BABAM2: variants seen among roughly 807,000 people sequenced by gnomAD.
BABAM2 encodes BRISC and BRCA1-A complex member 2.
Under a neutral mutation model 54.7 loss-of-function variants are expected in BABAM2, and 31 were observed. That is an observed-to-expected ratio of 0.57 (90% CI 0.43 to 0.77). The LOEUF (loss-of-function observed/expected upper bound fraction) is 0.77. Among genes scored for constraint, BABAM2 ranks in the 30% least tolerant of loss-of-function variants. BABAM2 has a pLI of 0.00. For synonymous variants in BABAM2, 167 were observed against 162.9 expected (o/e 1.03, Z -0.19); for missense variants, 364 against 455.8 (o/e 0.80, Z 1.83).
chr2:28,314,086 A>T (rs1689305800), intron 11 of BABAM2, among the ~76,000 whole-genome samples: 1 of 152,220 alleles, frequency 6.6e-6, no homozygotes, highest in South Asian at 2.1e-4. Flanking sequence ...TAAGGGCAAG[A>T]TCACGTATTT....
intron 4 of BABAM2, among the ~76,000 whole-genome samples, chr2:28,010,203 TTGGTGTTTGAAAAGATCTAGGA>T (rs1313716457): frequency 6.6e-6 from 1 of 152,168 alleles, no homozygotes; most frequent in Non-Finnish European, 1.5e-5. Flanking sequence ...AAATACCTTA[TTGGTGTTTGAAAAGATCTAGGA>T]TGGGGAACAT....
chr2:28,239,232 C>T (rs1316076740), intron 8 of BABAM2, among the ~76,000 whole-genome samples: 2 of 152,134 alleles, frequency 1.3e-5, no homozygotes, highest in Admixed American at 6.6e-5. Flanking sequence ...GACATAAACC[C>T]CTATTATATA....
intron 7 of BABAM2, among the ~76,000 whole-genome samples, chr2:28,207,429 C>T (rs932815760): frequency 6.6e-6 from 1 of 151,868 alleles, no homozygotes; most frequent in Non-Finnish European, 1.5e-5. Context: ...GGAGTGATGG[C>T]GTGCACCTAT....
intron 6 of BABAM2, among the ~76,000 whole-genome samples, chr2:28,053,942 ATTATGTGTATAGAAACATCACTATGTT>A (rs1248743529): frequency 6.6e-6 from 1 of 152,262 alleles, no homozygotes; most frequent in Non-Finnish European, 1.5e-5. Flanking sequence ...ATCACTATAC[ATTATGTGTATAGAAACATCACTATGTT>A]TTTCATGAAT....
intron 3 of BABAM2, among the ~76,000 whole-genome samples, chr2:27,976,276 A>G (rs1256295444): frequency 1.3e-5 from 2 of 152,128 alleles, no homozygotes; most frequent in African/African-American, 2.4e-5. Flanking sequence ...AGCATCATTC[A>G]TAATCATCAC....
intron 6 of BABAM2, among the ~76,000 whole-genome samples, chr2:28,074,902 C>T (rs894872032): frequency 1.3e-5 from 2 of 152,090 alleles, no homozygotes; most frequent in African/African-American, 4.8e-5. Context: ...TAGTGTACAT[C>T]TCACTAAATT....
intron 6 of BABAM2, among the ~76,000 whole-genome samples, chr2:28,095,724 A>G (rs549262208): frequency 9.2e-5 from 14 of 152,222 alleles, no homozygotes; most frequent in African/African-American, 3.4e-4. Flanking sequence ...CATGTAAAAC[A>G]AGGTTTCATT....
At chr2:28,278,575 A>T (rs1686069119) in intron 10 of BABAM2, among the ~76,000 whole-genome samples, 1 of 152,160 alleles carries the variant, frequency 6.6e-6, no homozygotes, top group South Asian at 2.1e-4. Flanking sequence ...ATTGAGTTTG[A>T]GGTGTTTATG....
chr2:28,311,193 G>A (rs1050166583), intron 11 of BABAM2, among the ~76,000 whole-genome samples: 11 of 147,472 alleles, frequency 7.5e-5, no homozygotes, highest in African/African-American at 5.0e-5. Context: ...CCCGGGAGGC[G>A]GAGCTTGCAG....
intron 6 of BABAM2, among the ~76,000 whole-genome samples, chr2:28,079,462 TAG>T (rs1462675803): frequency 6.6e-6 from 1 of 152,212 alleles, no homozygotes; most frequent in African/African-American, 2.4e-5. Flanking sequence ...AGGCAGGAAT[TAG>T]AGGTAAAATA....
chr2:28,000,427 T>A (rs1306194565), intron 4 of BABAM2, among the ~76,000 whole-genome samples: 2 of 152,164 alleles, frequency 1.3e-5, no homozygotes, highest in Non-Finnish European at 2.9e-5. Flanking sequence ...ACTTCAGAGG[T>A]ACAAATCCAT....
chr2:27,961,722 C>CTTTTTTTTT (rs5830058), intron 3 of BABAM2, among the ~76,000 whole-genome samples: 1 of 99,090 alleles, frequency 1.0e-5, no homozygotes, highest in Non-Finnish European at 2.0e-5. Flanking sequence ...CCTTAATTAT[C>CTTTTTTTTT]TTTTTTTTTT....
chr2:28,313,130 C>T (rs1176675243), intron 11 of BABAM2, among the ~76,000 whole-genome samples: 1 of 152,234 alleles, frequency 6.6e-6, no homozygotes, highest in Admixed American at 6.5e-5. Context: ...GTGGCTCACC[C>T]AGGAGGCTGA....
rs1558668237 is a variant in BABAM2, at chr2:28,026,971, A to AT, written c.495+1551_495+1552insT. On this transcript the variant is annotated intron_variant, in intron 5 of 11. Transcript: ENST00000379624. ...ATTAATATATATAAATATATATATA[A>AT]ATATATAAATATATATAAAAATATA... Among the ~76,000 whole-genome samples, 38 of 86,854 alleles carry AT rather than the reference A, an allele frequency of 4.4e-4. 3 individuals carry two copies. Among genetic ancestry groups the AT allele is most frequent in the African/African-American group, 2.6e-3 (37 of 14,478 alleles). 57.0% of individuals were successfully genotyped at this position (86,854 alleles called of 152,430 possible).
chr2:27,977,256 T>C (rs928072373), intron 3 of BABAM2, among the ~76,000 whole-genome samples: 6 of 152,120 alleles, frequency 3.9e-5, no homozygotes, highest in African/African-American at 1.4e-4. Context: ...CCCAAGATTG[T>C]TTATTGTTTA....
rs142985182 is a variant in BABAM2 at position 27,984,985 on chromosome 2, G to A, written c.206-3008G>A. ...CTGAGTTACTTCACTTAGAATAATC[G>A]TCTCCAATTCCATCCAGGTTGCTGC... On this transcript the variant is annotated intron_variant, in intron 3 of 11. Transcript: ENST00000379624. Among the ~76,000 whole-genome samples, 14 of 151,358 alleles carry A rather than the reference G, an allele frequency of 9.2e-5. 1 individual carries two copies. The East Asian group carries it at 2.1e-3, about 23-fold the overall frequency.
intron 11 of BABAM2, among the ~76,000 whole-genome samples, chr2:28,334,815 C>T (rs1314252208): frequency 6.6e-6 from 1 of 152,248 alleles, no homozygotes; most frequent in East Asian, 1.9e-4. Context: ...ATCACCCCTA[C>T]TGTTCGTAAG....
chr2:28,082,685 G>A (rs1269479476), intron 6 of BABAM2, among the ~76,000 whole-genome samples: 1 of 152,120 alleles, frequency 6.6e-6, no homozygotes, highest in Admixed American at 6.6e-5. Context: ...CAGGTTTTCA[G>A]AGTATTTTAC....
At chr2:28,311,726 C>T (rs1217163058) in intron 11 of BABAM2, among the ~76,000 whole-genome samples, 1 of 152,178 alleles carries the variant, frequency 6.6e-6, no homozygotes, top group Non-Finnish European at 1.5e-5. Context: ...TAATATATTT[C>T]TGGAATTTTA....
Sources: gnomAD v4.1 joint callset for allele counts (sites outside exome capture counted in the v4.1 genomes callset) on GRCh38, gnomAD v4.1.1 for gene constraint, MANE v1.5 for transcripts, NCBI Gene and HGNC (gene_info 2026-07-23, HGNC 2026-07-21) for gene names.